Variants in CFAP20DC observed in about 807,000 individuals in gnomAD.
CFAP20DC encodes protein CFAP20DC.
A neutral mutation model predicts 101.7 loss-of-function variants in CFAP20DC; 84 were observed. The ratio of observed to expected loss-of-function variants is 0.83; its 90% CI spans 0.69 to 0.99. The LOEUF is 0.99. Ranked by LOEUF, CFAP20DC falls within the 50% of genes least tolerant of loss-of-function variation. CFAP20DC has a pLI of 0.00. For missense variants in CFAP20DC, 1,007 were observed against 970.3 expected (o/e 1.04, Z -0.50); for synonymous variants, 359 against 351.2 (o/e 1.02, Z -0.25).
intron 5 of CFAP20DC, among the ~76,000 whole-genome samples, chr3:58,935,254 C>T (rs1281410841): frequency 4.6e-5 from 7 of 152,054 alleles, no homozygotes; most frequent in Admixed American, 1.3e-4. Context: ...CTACAAACCA[C>T]TGCTCAAGGA....
rs9311683 is a variant in CFAP20DC at position 58,764,518 on chromosome 3, C to T, written c.2238-10655G>A. Among the ~76,000 whole-genome samples, 1,522 of 152,278 alleles carry T rather than the reference C, an allele frequency of 1.0e-2. 25 individuals are homozygous for T. Among genetic ancestry groups the T allele is most frequent in the African/African-American group, 0.035 (1,466 of 41,544 alleles). On this transcript the variant is annotated intron_variant, in intron 15 of 16. Coordinates refer to ENST00000482387, the MANE Select transcript of CFAP20DC (RefSeq NM_001394063.1). Reference sequence around the variant, plus strand: ...CGATGCCTCGCCCTGCTTCAGCTCACGGTCGGTGTACTGCACCCACTGTCC... The same window carrying T: ...CGATGCCTCGCCCTGCTTCAGCTCATGGTCGGTGTACTGCACCCACTGTCC...
At chr3:58,752,977 G>A (rs2068681542) in intron 16 of CFAP20DC, among the ~76,000 whole-genome samples, 1 of 151,988 alleles carries the variant, frequency 6.6e-6, no homozygotes, top group South Asian at 2.1e-4. Context: ...CCACTCTGAG[G>A]TTATTTGTCA....
chr3:58,997,835 C>T (rs1441185792), intron 4 of CFAP20DC, among the ~76,000 whole-genome samples: 1 of 152,122 alleles, frequency 6.6e-6, no homozygotes, highest in Admixed American at 6.6e-5. Context: ...AAGTAACTCT[C>T]GATAGCAATG....
At chr3:58,976,084 C>A (rs770489346) in intron 4 of CFAP20DC, among the ~76,000 whole-genome samples, 1 of 152,196 alleles carries the variant, frequency 6.6e-6, no homozygotes, top group African/African-American at 2.4e-5. Flanking sequence ...CTGTAAGAAG[C>A]AACCTTTGAC....
At chr3:58,902,267 A>C (rs1264537518) in intron 6 of CFAP20DC, among the ~76,000 whole-genome samples, 1 of 152,120 alleles carries the variant, frequency 6.6e-6, no homozygotes, top group Non-Finnish European at 1.5e-5. Context: ...ATGTACATGC[A>C]CTTGTTTGAA....
chr3:58,875,513 T>C (rs1342193861), intron 7 of CFAP20DC, among the ~76,000 whole-genome samples: 1 of 152,180 alleles, frequency 6.6e-6, no homozygotes, highest in African/African-American at 2.4e-5. Flanking sequence ...TACCAGCACG[T>C]GGCCTTTCTT....
intron 14 of CFAP20DC, among the ~76,000 whole-genome samples, chr3:58,812,512 A>T (rs2074738272): frequency 1.3e-5 from 2 of 151,386 alleles, no homozygotes; most frequent in African/African-American, 4.9e-5. Context: ...CAATGAGAAC[A>T]CATGGACACA....
chr3:58,786,951 A>G (rs1488138843), intron 15 of CFAP20DC, among the ~76,000 whole-genome samples: 2 of 152,016 alleles, frequency 1.3e-5, no homozygotes, highest in African/African-American at 2.4e-5. Context: ...AGAAAAAAAT[A>G]TAGCATATAT....
chr3:58,975,800 T>C (rs1005316427), intron 4 of CFAP20DC, among the ~76,000 whole-genome samples: 1 of 147,300 alleles, frequency 6.8e-6, no homozygotes, highest in Non-Finnish European at 1.5e-5. Flanking sequence ...TCTTTTTTCC[T>C]TTTTTTTTTA....
At chr3:58,833,183 C>T (rs2108069326) in intron 13 of CFAP20DC, among the ~76,000 whole-genome samples, 1 of 152,144 alleles carries the variant, frequency 6.6e-6, no homozygotes, top group South Asian at 2.1e-4. Flanking sequence ...TTTATAAAAG[C>T]TTGTTATCTG....
chr3:58,960,488 T>C (rs1197865688), intron 4 of CFAP20DC, among the ~76,000 whole-genome samples: 1 of 148,068 alleles, frequency 6.8e-6, no homozygotes, highest in Non-Finnish European at 1.5e-5. Context: ...CAAGACTCTG[T>C]CTCAAAAAAA....
intron 15 of CFAP20DC, among the ~76,000 whole-genome samples, chr3:58,797,718 T>G (rs1408981261): frequency 6.6e-6 from 1 of 151,954 alleles, no homozygotes; most frequent in African/African-American, 2.4e-5. Context: ...GAGAAGTCAA[T>G]GTCTGGCTTC....
intron 5 of CFAP20DC, among the ~76,000 whole-genome samples, chr3:58,925,660 C>T (rs1469841444): frequency 6.6e-6 from 1 of 152,146 alleles, no homozygotes; most frequent in Admixed American, 6.5e-5. Flanking sequence ...ATGAGTATGG[C>T]ACTGTTTTTA....
intron 4 of CFAP20DC, among the ~76,000 whole-genome samples, chr3:58,953,065 C>T (rs1053593512): frequency 6.6e-6 from 1 of 152,032 alleles, no homozygotes; most frequent in Non-Finnish European, 1.5e-5. Flanking sequence ...AAAAGTGATA[C>T]AGACTGATAG....
intron 13 of CFAP20DC, among the ~76,000 whole-genome samples, chr3:58,835,823 T>C (rs1287861294): frequency 1.3e-5 from 2 of 152,206 alleles, no homozygotes; most frequent in Non-Finnish European, 2.9e-5. Flanking sequence ...AGCTTTGCAA[T>C]AAAGTCTTTG....
intron 12 of CFAP20DC, among the ~76,000 whole-genome samples, chr3:58,857,085 C>G (rs1487559774): frequency 1.3e-5 from 2 of 152,086 alleles, no homozygotes; most frequent in African/African-American, 2.4e-5. Flanking sequence ...ACAAGATACA[C>G]AGGTAAGGAC....
chr3:58,858,197 G>GT (rs550638589), intron 12 of CFAP20DC, among the ~76,000 whole-genome samples: 1 of 152,038 alleles, frequency 6.6e-6, no homozygotes, highest in Non-Finnish European at 1.5e-5. Flanking sequence ...AACTTAATAT[G>GT]TTTTTTTAAA....
intron 5 of CFAP20DC, among the ~76,000 whole-genome samples, chr3:58,929,053 A>C (rs954654670): frequency 1.3e-5 from 2 of 152,184 alleles, no homozygotes; most frequent in African/African-American, 4.8e-5. Context: ...TAAATACTAA[A>C]TTGTTTATGT....
rs1470529637 is a variant in CFAP20DC, at chr3:58,894,136, G to A, written c.551-9427C>T. Reference sequence around the variant, plus strand: ...TGGGAATTCAAGATGAGACTTGGGTGAGGACACAGCCAAACCATATCATTC... The same window carrying A: ...TGGGAATTCAAGATGAGACTTGGGTAAGGACACAGCCAAACCATATCATTC... On this transcript the variant is annotated intron_variant, in intron 6 of 16. Transcript: ENST00000482387. The surrounding 1 kb of genome is among the most constrained non-coding windows in gnomAD (Gnocchi z 4.1). Among the ~76,000 whole-genome samples, 6 of 152,158 alleles carry A rather than the reference G, an allele frequency of 3.9e-5. No individual in the cohort carries two copies. Among genetic ancestry groups the A allele is most frequent in the Admixed American group, 6.5e-5 (1 of 15,268 alleles).
Sources: gnomAD v4.1 joint callset for allele counts (sites outside exome capture counted in the v4.1 genomes callset) on GRCh38, gnomAD v4.1.1 for gene constraint, Gnocchi (gnomAD v3.1) non-coding constraint, MANE v1.5 for transcripts, NCBI Gene and HGNC (gene_info 2026-07-23, HGNC 2026-07-21) for gene names.